Variants in STK32B observed in about 807,000 individuals in gnomAD.
STK32B encodes the protein serine/threonine-protein kinase 32B.
A neutral mutation model predicts 52.6 loss-of-function variants in STK32B; 43 were observed. The observed-to-expected ratio is 0.82, with a 90% CI of 0.64 to 1.05. The LOEUF is 1.05. Among genes scored for constraint, STK32B ranks in the 50% least tolerant of loss-of-function variants. The pLI is 0.00. For missense variants in STK32B, 621 were observed against 534.6 expected, an observed-to-expected ratio of 1.16 and a Z score of -1.59; for synonymous variants, 238 against 204.3, an observed-to-expected ratio of 1.17 and a Z score of -1.41.
chr4:5,290,315 C>T (rs1476944496), intron 3 of STK32B, among the ~76,000 whole-genome samples: 1 of 121,278 alleles, frequency 8.2e-6, no homozygotes, highest in Non-Finnish European at 1.8e-5. Context: ...TTTGTAATAA[C>T]ACAACGTAAA....
chr4:5,075,189 GTATT>G (rs1404018832), intron 1 of STK32B, among the ~76,000 whole-genome samples: 1 of 152,136 alleles, frequency 6.6e-6, no homozygotes, highest in Non-Finnish European at 1.5e-5. Context: ...GGGTGTAAAT[GTATT>G]TATAATTTAT....
At chr4:5,238,133 A>G (rs920196423) in intron 3 of STK32B, among the ~76,000 whole-genome samples, 1 of 152,154 alleles carries the variant, frequency 6.6e-6, no homozygotes, top group African/African-American at 2.4e-5. Flanking sequence ...ATGACCACAA[A>G]CTGGGTGTCT....
At chr4:5,315,584 A>C (rs1035804165) in intron 3 of STK32B, among the ~76,000 whole-genome samples, 4 of 152,162 alleles carry the variant, frequency 2.6e-5, no homozygotes, top group African/African-American at 9.7e-5. Context: ...GGAGTATCTC[A>C]ACATCAAGTA....
intron 11 of STK32B, among the ~76,000 whole-genome samples, chr4:5,483,823 T>A (rs1560452082): frequency 2.0e-5 from 3 of 152,200 alleles, no homozygotes; most frequent in Non-Finnish European, 2.9e-5. Flanking sequence ...ACATCTTTAT[T>A]TCTGCCTTCA....
rs562918104 is a variant in STK32B at position 5,357,056 on chromosome 4, CATATATACACACATAT to C, written c.434+25665_434+25680del. 6.4e-4 allele frequency among the ~76,000 whole-genome samples: 96 copies of C among 150,398 alleles called. 1 individual carries two copies. In the South Asian group the frequency reaches 9.1e-3, roughly 14 times the overall value. On this transcript the variant is annotated intron_variant, in intron 4 of 11. Transcript: ENST00000282908. ...ACACACACACATATATACACACACA[CATATATACACACATAT>C]ACACACACACACGTATACACACACA...
At chr4:5,090,837 T>G (rs1713040252) in intron 1 of STK32B, among the ~76,000 whole-genome samples, 1 of 152,210 alleles carries the variant, frequency 6.6e-6, no homozygotes, top group African/African-American at 2.4e-5. Context: ...ATGTGTGGTG[T>G]TATTTCTGAA....
chr4:5,358,185 T>G (rs1162732495), intron 4 of STK32B, among the ~76,000 whole-genome samples: 2 of 152,194 alleles, frequency 1.3e-5, no homozygotes, highest in Non-Finnish European at 2.9e-5. Context: ...GCACCCGCAA[T>G]TGGGTGGAGA....
chr4:5,059,405 GTTTTTATTGTTAATGGCAGTTGAA>G (rs1167993755), intron 1 of STK32B, among the ~76,000 whole-genome samples: 4 of 152,088 alleles, frequency 2.6e-5, no homozygotes, highest in African/African-American at 9.7e-5. Context: ...TTTGCTGACA[GTTTTTATTGTTAATGGCAGTTGAA>G]TGTAAGCAAA....
intron 4 of STK32B, among the ~76,000 whole-genome samples, chr4:5,353,703 C>A (rs951315591): frequency 2.0e-5 from 3 of 152,128 alleles, no homozygotes; most frequent in Non-Finnish European, 4.4e-5. Flanking sequence ...TATCTTACCC[C>A]AGTTAGAATG....
At chr4:5,177,570 A>T (rs1303986370) in intron 3 of STK32B, among the ~76,000 whole-genome samples, 1 of 152,212 alleles carries the variant, frequency 6.6e-6, no homozygotes, top group African/African-American at 2.4e-5. Flanking sequence ...TTATTCCGGC[A>T]TTAACTCAAA....
At chr4:5,332,042 T>C (rs919599119) in intron 4 of STK32B, among the ~76,000 whole-genome samples, 5 of 152,208 alleles carry the variant, frequency 3.3e-5, no homozygotes, top group African/African-American at 9.7e-5. Flanking sequence ...AGGCTCCAAA[T>C]TGGTTTACCC....
In STK32B at chr4:5,355,146, C is replaced by T. The variant is rs570381923; in HGVS notation, c.434+23753C>T. Among the ~76,000 whole-genome samples the T allele has an allele frequency of 4.6e-5, 7 of 152,282 alleles. No individual in the cohort carries two copies. The East Asian group carries it at 1.2e-3, about 25-fold the overall frequency. On this transcript the variant is annotated intron_variant, in intron 4 of 11. Coordinates refer to ENST00000282908, the MANE Select transcript of STK32B (RefSeq NM_018401.3). Reference sequence around the variant, plus strand: ...AATTTGTTAAAGCAGCAACAGGAAACGAATCCTCTACCCCACAGGGATGTT... The same window carrying T: ...AATTTGTTAAAGCAGCAACAGGAAATGAATCCTCTACCCCACAGGGATGTT...
intron 3 of STK32B, among the ~76,000 whole-genome samples, chr4:5,222,385 A>G (rs115353081): frequency 6.6e-6 from 1 of 152,180 alleles, no homozygotes; most frequent in East Asian, 1.9e-4. Context: ...GGGCAATTCT[A>G]GGGAGGGCTC....
chr4:5,404,590 G>T (rs1737528238), intron 5 of STK32B, among the ~76,000 whole-genome samples: 1 of 151,916 alleles, frequency 6.6e-6, no homozygotes, highest in African/African-American at 2.4e-5. Context: ...GCACATTTCA[G>T]TCAAATCCAA....
At chr4:5,496,425 G>A (rs371038238) in intron 11 of STK32B, among the ~76,000 whole-genome samples, 39 of 152,118 alleles carry the variant, frequency 2.6e-4, no homozygotes, top group African/African-American at 7.7e-4. Flanking sequence ...TAAGCCCTTC[G>A]GAAAAGCGCA....
At chr4:5,277,487 T>C (rs977544199) in intron 3 of STK32B, among the ~76,000 whole-genome samples, 1 of 152,170 alleles carries the variant, frequency 6.6e-6, no homozygotes, top group African/African-American at 2.4e-5. Context: ...AAAATAGACA[T>C]TGAAAAGTTG....
chr4:5,087,564 G>A (rs1712801269), intron 1 of STK32B, among the ~76,000 whole-genome samples: 2 of 151,346 alleles, frequency 1.3e-5, no homozygotes, highest in Admixed American at 6.6e-5. Flanking sequence ...AAATTCCAAG[G>A]GACAAATAAT....
intron 11 of STK32B, among the ~76,000 whole-genome samples, chr4:5,476,653 A>G (rs913980062): frequency 5.3e-5 from 8 of 151,938 alleles, no homozygotes; most frequent in African/African-American, 1.9e-4. Flanking sequence ...GTCGCCTAGC[A>G]CCTGTGAAGA....
chr4:5,491,543 A>T (rs1397379583), intron 11 of STK32B, among the ~76,000 whole-genome samples: 1 of 151,692 alleles, frequency 6.6e-6, no homozygotes, highest in African/African-American at 2.4e-5. Context: ...GTTCACTCTG[A>T]TGGTAGTTTC....
Sources: allele counts gnomAD v4.1 joint callset (sites outside exome capture counted in the v4.1 genomes callset), GRCh38; gene constraint gnomAD v4.1.1; transcripts MANE v1.5; gene names NCBI Gene and HGNC (gene_info 2026-07-23, HGNC 2026-07-21).